Variants in MFAP1 observed in about 807,000 individuals in gnomAD.
MFAP1 encodes microfibril associated protein 1.
In MFAP1, 18 loss-of-function variants were observed where a neutral mutation model predicts 62.2. That is an observed-to-expected ratio of 0.29 (90% CI 0.20 to 0.43). The LOEUF (loss-of-function observed/expected upper bound fraction) is 0.43, where lower values mean the gene tolerates loss of function less well. Ranked by LOEUF, MFAP1 falls within the 20% of genes least tolerant of loss-of-function variation. The pLI is 1.00. For synonymous variants in MFAP1, 175 were observed against 180.4 expected (o/e 0.97, Z 0.24); for missense variants, 355 against 559.7 (o/e 0.63, Z 3.69).
chr15:43,813,775 G>T lies in MFAP1; in HGVS notation c.618-418C>A, dbSNP rs183157013. Among the ~76,000 whole-genome samples the T allele has an allele frequency of 5.1e-3, 781 of 151,798 alleles. 11 individuals are homozygous for T. The highest frequency in any genetic ancestry group is 0.018 in the African/African-American group (751 of 41,392). On this transcript the variant is annotated intron_variant, in intron 4 of 8. Coordinates refer to ENST00000267812, the MANE Select transcript of MFAP1 (RefSeq NM_005926.3). ...TCCACCTACCTCAGCCTCCCAAAGT[G>T]CTGGGATTACAGTCGTGAGCCACCG...
rs1446302571 is a variant in MFAP1, at chr15:43,817,481, CCT to C, written c.80-35_80-34del. The stretch of plus-strand genomic sequence containing the variant: ...AGAAAGGTAACTTATGTTTCAGTAG[CCT>C]CTTTCTCAATGTGCTTCAACCCATC... On this transcript the variant is annotated intron_variant, in intron 1 of 8. Transcript: ENST00000267812. 3 of 1,609,210 alleles carry C rather than the reference CCT, an allele frequency of 1.9e-6. No homozygotes were observed. In the Middle Eastern group the frequency reaches 5.0e-4, roughly 266 times the overall value.
chr15:43,817,519 C>G, intron 1 of MFAP1, 71 bp from the exon 2 acceptor site: 2 of 1,453,516 alleles, frequency 1.4e-6, no homozygotes, highest in Non-Finnish European at 1.9e-6. Flanking sequence ...ACGGCCTTTG[C>G]AAATAGAGCC....
chr15:43,815,720 C>T (rs1327386973), intron 2 of MFAP1, among the ~76,000 whole-genome samples: 2 of 152,016 alleles, frequency 1.3e-5, no homozygotes, highest in South Asian at 2.1e-4. Flanking sequence ...ACAACCTCCA[C>T]CTCCCAGGTT....
chr15:43,812,943 T>C, intron 6 of MFAP1, 44 bp downstream of exon 6: 4 of 1,602,622 alleles, frequency 2.5e-6, no homozygotes, highest in Middle Eastern at 3.3e-4. Flanking sequence ...GCTAGAAACC[T>C]GTTCCATTAG....
intron 7 of MFAP1, 137 bp from the exon 8 acceptor site, chr15:43,805,602 G>T: frequency 3.1e-6 from 2 of 650,850 alleles, no homozygotes; most frequent in Non-Finnish European, 5.0e-6. Context: ...ACATCTAGTT[G>T]AAGAGATGAC....
chr15:43,814,432 C>G (rs1001208790), intron 4 of MFAP1, 69 bp downstream of exon 4: 2 of 1,497,420 alleles, frequency 1.3e-6, no homozygotes, highest in Admixed American at 2.2e-5. Context: ...AGACAGAAAA[C>G]AGACTTTTGT....
rs189699185 is a variant in MFAP1, at chr15:43,806,530, C to G, written c.1048-1065G>C. Among the ~76,000 whole-genome samples the G allele has an allele frequency of 3.9e-5, 6 of 152,324 alleles. No individual in the cohort carries two copies. In the East Asian group the frequency reaches 9.6e-4, roughly 24 times the overall value. The stretch of plus-strand genomic sequence containing the variant: ...GCACTGATGTTTCTAGACTGTAACT[C>G]ATTATAATCTTTGCCTTGCTCAAAA... On this transcript the variant is annotated intron_variant, in intron 7 of 8. Transcript: ENST00000267812.
intron 4 of MFAP1, among the ~76,000 whole-genome samples, 165 bp downstream of exon 4, chr15:43,814,336 G>A (rs1596057125): frequency 2.0e-5 from 3 of 152,282 alleles, no homozygotes; most frequent in South Asian, 2.1e-4. Context: ...CTCTGCTAAC[G>A]CCAAGATATT....
chr15:43,824,557 T>C lies in MFAP1; in HGVS notation c.13A>G (p.Ser5Gly), dbSNP rs1265424326. Reference protein sequence around the residue: MSVPSALMKQPPIQS... With the variant: MSVPGALMKQPPIQS... Reference sequence around the variant, plus strand: ...ATGGGCGGTTGCTTCATGAGAGCGCTTGGGACCGACATGTTGATGGCAGCG... The same window carrying C: ...ATGGGCGGTTGCTTCATGAGAGCGCCTGGGACCGACATGTTGATGGCAGCG... Residue 5 changes from serine to glycine, a missense_variant, in exon 1 of 9, where the codon AGC (serine) becomes GGC (glycine). Physicochemically the swap from Ser to Gly is moderately conservative, Grantham distance 56. Transcript: ENST00000267812. The C allele has an allele frequency of 3.7e-6, 6 of 1,614,176 alleles. No homozygotes were observed. The South Asian group carries it at 6.6e-5, about 18-fold the overall frequency.
At chr15:43,814,455 A>G in intron 4 of MFAP1, 46 bp downstream of exon 4, 1 of 1,546,756 alleles carries the variant, frequency 6.5e-7, no homozygotes, top group Admixed American at 2.1e-5. Context: ...CCAGGCCTGG[A>G]AAGTGGTAAT....
At chr15:43,812,511 G>A (rs2087408268) in intron 6 of MFAP1, among the ~76,000 whole-genome samples, 1 of 152,178 alleles carries the variant, frequency 6.6e-6, no homozygotes, top group African/African-American at 2.4e-5. Context: ...CTAACTGATA[G>A]CCACCACCTA....
chr15:43,813,221 C>G (rs2087413638), intron 5 of MFAP1, 28 bp downstream of exon 5: 2 of 1,613,890 alleles, frequency 1.2e-6, no homozygotes, highest in African/African-American at 2.7e-5. Context: ...ATTTCTTGTA[C>G]TCATTCCTTG....
chr15:43,824,141 T>A (rs150801215), intron 1 of MFAP1, among the ~76,000 whole-genome samples: 5 of 151,258 alleles, frequency 3.3e-5, no homozygotes, highest in African/African-American at 1.2e-4. Context: ...ATTCTAATCA[T>A]AATATATATT....
intron 6 of MFAP1, 51 bp downstream of exon 6, chr15:43,812,936 A>G (rs1190402354): frequency 1.3e-6 from 2 of 1,596,968 alleles, no homozygotes; most frequent in Non-Finnish European, 1.7e-6. Context: ...CTATCCTGCT[A>G]GAAACCTGTT....
intron 7 of MFAP1, among the ~76,000 whole-genome samples, chr15:43,806,873 AAAATAAAT>A (rs568880077): frequency 6.6e-6 from 1 of 151,572 alleles, no homozygotes; most frequent in Non-Finnish European, 1.5e-5. Flanking sequence ...TTCCATCTCA[AAAATAAAT>A]AAATAAATAA....
Position 43,817,351 on chromosome 15 carries a change from T to A in MFAP1, c.177A>T (p.Glu59Asp), listed in dbSNP as rs1284362712. ...PMESSDEEDE[E>D]FQFIKKAKEQ... ...CTTTGGCTTTCTTAATGAACTGAAA[T>A]TCTTCATCCTCCTCATCTGAGGACT... is the stretch of plus-strand genomic sequence containing the variant. Residue 59 changes from glutamate to aspartate, a missense_variant, in exon 2 of 9, where the codon GAA becomes GAT. By Grantham distance (45) the Glu-to-Asp change is conservative. Coordinates refer to ENST00000267812, the MANE Select transcript of MFAP1 (RefSeq NM_005926.3). 1.9e-6 allele frequency: 3 copies of A among 1,614,166 alleles called. No homozygotes were observed.
chr15:43,819,318 A>C (rs2087453337), intron 1 of MFAP1, among the ~76,000 whole-genome samples: 1 of 152,178 alleles, frequency 6.6e-6, no homozygotes, highest in Non-Finnish European at 1.5e-5. Context: ...GTTATTTTTT[A>C]AAAGGTAGAG....
chr15:43,808,729 G>A (rs958749846), intron 7 of MFAP1, among the ~76,000 whole-genome samples: 12 of 152,318 alleles, frequency 7.9e-5, no homozygotes, highest in African/African-American at 2.9e-4. Context: ...TTGGAGGGTG[G>A]CAGGGAAGCC....
intron 3 of MFAP1, 55 bp downstream of exon 3, chr15:43,814,890 G>A (rs1044377397): frequency 6.2e-7 from 1 of 1,604,792 alleles, no homozygotes. Flanking sequence ...AATGAGCACT[G>A]GCATGAACTT....
Sources: allele counts gnomAD v4.1 joint callset (sites outside exome capture counted in the v4.1 genomes callset), GRCh38; gene constraint gnomAD v4.1.1; transcripts MANE v1.5; gene names NCBI Gene and HGNC (gene_info 2026-07-23, HGNC 2026-07-21).